Variants in EEA1 observed in about 807,000 individuals in gnomAD.
The protein encoded by EEA1 is early endosome antigen 1, 162kD.
Under a neutral mutation model 209.2 loss-of-function variants are expected in EEA1, and 111 were observed. That is an observed-to-expected ratio of 0.53 (90% CI 0.45 to 0.62). The LOEUF (loss-of-function observed/expected upper bound fraction) is 0.62, where lower values mean the gene tolerates loss of function less well. EEA1 is among the 20% of genes least tolerant of loss of function. EEA1 has a pLI of 0.00. For synonymous variants in EEA1, 536 were observed against 540.6 expected, an observed-to-expected ratio of 0.99 and a Z score of 0.12; for missense variants, 1,343 against 1,530.8, an observed-to-expected ratio of 0.88 and a Z score of 2.05.
intron 9 of EEA1, among the ~76,000 whole-genome samples, chr12:92,849,296 A>T (rs1252463645): frequency 6.6e-6 from 1 of 152,208 alleles, no homozygotes; most frequent in Non-Finnish European, 1.5e-5. Flanking sequence ...ATAGGCAGAC[A>T]TATCTAAACA....
intron 2 of EEA1, chr12:92,884,011 G>A: frequency 7.1e-7 from 1 of 1,402,352 alleles, no homozygotes; most frequent in Non-Finnish European, 1.0e-6. Context: ...ACATAAGGTG[G>A]ATGGAAGAGT....
intron 13 of EEA1, among the ~76,000 whole-genome samples, chr12:92,825,863 T>G (rs1876272085): frequency 6.7e-6 from 1 of 149,724 alleles, no homozygotes; most frequent in African/African-American, 2.4e-5. Flanking sequence ...AATAGATAAA[T>G]CTAATAAATT....
At chr12:92,863,499 C>A (rs1000712222) in intron 3 of EEA1, among the ~76,000 whole-genome samples, 2 of 152,196 alleles carry the variant, frequency 1.3e-5, no homozygotes, top group African/African-American at 4.8e-5. Context: ...AGATGAGCTC[C>A]CAGCTGGCAT....
chr12:92,907,190 T>A (rs746563272), intron 1 of EEA1, among the ~76,000 whole-genome samples: 2 of 152,220 alleles, frequency 1.3e-5, no homozygotes, highest in Non-Finnish European at 2.9e-5. Context: ...TTAGGTAAAT[T>A]CATTTACTCC....
intron 2 of EEA1, among the ~76,000 whole-genome samples, chr12:92,886,546 G>A (rs1285881650): frequency 6.0e-5 from 4 of 66,514 alleles, no homozygotes; most frequent in Non-Finnish European, 1.2e-4. Context: ...GGGAGAGGAG[G>A]GGAGGGAAGG....
At chr12:92,907,053 TATAG>T (rs141376773) in intron 1 of EEA1, among the ~76,000 whole-genome samples, 2,616 of 152,150 alleles carry the variant, frequency 0.017, 83 homozygotes, top group African/African-American at 0.058. Flanking sequence ...AAACGTAACA[TATAG>T]ATAAAGCGAG....
At chr12:92,862,155 T>A (rs1878182866) in intron 3 of EEA1, among the ~76,000 whole-genome samples, 1 of 152,138 alleles carries the variant, frequency 6.6e-6, no homozygotes, top group African/African-American at 2.4e-5. Context: ...TGGAGTAGAA[T>A]GTAATTGTCA....
chr12:92,910,240 G>C (rs1326788542), intron 1 of EEA1, among the ~76,000 whole-genome samples: 1 of 152,106 alleles, frequency 6.6e-6, no homozygotes, highest in Non-Finnish European at 1.5e-5. Context: ...GGGAGGCCGA[G>C]ATGGGCAGAT....
At chr12:92,895,596 A>C (rs1879845426) in intron 1 of EEA1, among the ~76,000 whole-genome samples, 1 of 152,130 alleles carries the variant, frequency 6.6e-6, no homozygotes, top group Non-Finnish European at 1.5e-5. Context: ...GCATACAAGG[A>C]GTTTAATGTT....
rs1875361114 is a variant in EEA1 at position 92,809,175 on chromosome 12, A to G, written c.2200-19T>C. On this transcript the variant is annotated intron_variant, in intron 17 of 28. Transcript: ENST00000322349. ...CTAGTTTCTATGAAAGAAATATGAT[A>G]TGGCAGCCATTTTAATATTAGTAAT... 4 of 1,530,036 alleles carry G rather than the reference A, an allele frequency of 2.6e-6. No homozygotes were observed. Among genetic ancestry groups the G allele is most frequent in the Non-Finnish European group, 3.5e-6 (4 of 1,140,506 alleles). 94.8% of individuals were successfully genotyped at this position (1,530,036 alleles called of 1,614,324 possible).
At position 92,881,393 on chromosome 12, in the gene EEA1, G is replaced by A. The variant is rs983057268; in HGVS notation, c.117+10236C>T. Among the ~76,000 whole-genome samples the A allele has an allele frequency of 2.9e-4, 44 of 152,060 alleles. 1 individual carries two copies. The highest frequency in any genetic ancestry group is 2.9e-3 in the Admixed American group (44 of 15,266). ...CACCACAATCAGCCTGGGCAACAGAGTGAGATGGAGAGGAGGAGGGGAGGG... is the reference window on the plus strand; with the variant it reads ...CACCACAATCAGCCTGGGCAACAGAATGAGATGGAGAGGAGGAGGGGAGGG... On this transcript the variant is annotated intron_variant, in intron 2 of 28. Coordinates refer to ENST00000322349, the MANE Select transcript of EEA1 (RefSeq NM_003566.4).
At chr12:92,909,955 C>T (rs537177839) in intron 1 of EEA1, among the ~76,000 whole-genome samples, 2 of 151,826 alleles carry the variant, frequency 1.3e-5, no homozygotes, top group South Asian at 4.2e-4. Context: ...CCAGCCTGGT[C>T]AATGTGGAGA....
chr12:92,808,055 C>A (rs1875298670), intron 18 of EEA1, among the ~76,000 whole-genome samples: 1 of 152,028 alleles, frequency 6.6e-6, no homozygotes, highest in Non-Finnish European at 1.5e-5. Context: ...TTAAAAATAT[C>A]TTCTGGTTTC....
intron 18 of EEA1, among the ~76,000 whole-genome samples, chr12:92,806,789 C>G (rs2136670972): frequency 6.6e-6 from 1 of 152,228 alleles, no homozygotes; most frequent in East Asian, 1.9e-4. Flanking sequence ...GTTAATTTAT[C>G]CCAGGAAAGC....
intron 17 of EEA1, 130 bp from the exon 18 acceptor site, chr12:92,809,286 A>G (rs1206857966): frequency 6.4e-6 from 4 of 621,042 alleles, no homozygotes; most frequent in Non-Finnish European, 7.2e-6. Flanking sequence ...ATAATAAAAA[A>G]CATATTCTGA....
At position 92,907,094 on chromosome 12, in the gene EEA1, T is replaced by C. The variant is rs192438507; in HGVS notation, c.25-15373A>G. ...AGTTATCTTTGCAAATAACAAATAC[T>C]ATTTCATGAAAAAAAATTCATGTAA... On this transcript the variant is annotated intron_variant, in intron 1 of 28. Transcript: ENST00000322349. Among the ~76,000 whole-genome samples, 98 of 152,292 alleles carry C rather than the reference T, an allele frequency of 6.4e-4. No individual in the cohort carries two copies. In the East Asian group the frequency reaches 0.016, roughly 25 times the overall value.
At chr12:92,809,821 TCTA>T (rs1875408388) in intron 17 of EEA1, among the ~76,000 whole-genome samples, 1 of 152,202 alleles carries the variant, frequency 6.6e-6, no homozygotes, top group Non-Finnish European at 1.5e-5. Context: ...GGTTCACTGA[TCTA>T]CTCACTTAAA....
chr12:92,895,652 C>T (rs1879847185), intron 1 of EEA1, among the ~76,000 whole-genome samples: 1 of 152,130 alleles, frequency 6.6e-6, no homozygotes, highest in Non-Finnish European at 1.5e-5. Context: ...GCCTATGGAT[C>T]AAGGAGTAAT....
intron 9 of EEA1, among the ~76,000 whole-genome samples, chr12:92,847,729 A>G (rs1877442699): frequency 6.6e-6 from 1 of 152,190 alleles, no homozygotes. Context: ...TTTGGACAAA[A>G]CCTGAGTTCC....
Sources: allele counts gnomAD v4.1 joint callset (sites outside exome capture counted in the v4.1 genomes callset), GRCh38; gene constraint gnomAD v4.1.1; transcripts MANE v1.5; gene names NCBI Gene and HGNC (gene_info 2026-07-23, HGNC 2026-07-21).